POU6F2: variants seen among roughly 807,000 people sequenced by gnomAD.
POU6F2 encodes the protein POU class 6 homeobox 2.
POU6F2 carries 31 observed loss-of-function variants against 71.3 expected under a neutral mutation model. That is an observed-to-expected ratio of 0.43 (90% CI 0.33 to 0.59). POU6F2 has a LOEUF of 0.59. Ranked by LOEUF, POU6F2 falls within the 20% of genes least tolerant of loss-of-function variation. The pLI is 0.04. For synonymous variants in POU6F2, 347 were observed against 355.7 expected, an observed-to-expected ratio of 0.98 and a Z score of 0.27; for missense variants, 783 against 856.8, an observed-to-expected ratio of 0.91 and a Z score of 1.07.
At chr7:39,097,873 C>G (rs1181353698) in intron 2 of POU6F2, among the ~76,000 whole-genome samples, 1 of 152,152 alleles carries the variant, frequency 6.6e-6, no homozygotes, top group Non-Finnish European at 1.5e-5. Context: ...TTTCTGGTAG[C>G]TTTTTAGGCA....
chr7:39,209,288 G>T (rs1483941339), intron 4 of POU6F2, among the ~76,000 whole-genome samples: 4 of 152,110 alleles, frequency 2.6e-5, no homozygotes, highest in Non-Finnish European at 5.9e-5. Context: ...AAGCTTTGTA[G>T]CCTGATTAAG....
intron 2 of POU6F2, among the ~76,000 whole-genome samples, chr7:39,130,066 C>CAA (rs572365688): frequency 0.042 from 1,855 of 44,486 alleles, 81 homozygotes; most frequent in Middle Eastern, 0.095. Flanking sequence ...GACTCCATCT[C>CAA]AAAAAAAAAA....
At chr7:39,437,187 G>A (rs1788267206) in intron 7 of POU6F2, among the ~76,000 whole-genome samples, 1 of 152,226 alleles carries the variant, frequency 6.6e-6, no homozygotes, top group African/African-American at 2.4e-5. Context: ...AATAGTTCCA[G>A]AAGCAATGAT....
chr7:38,993,879 G>A (rs1788670708), intron 1 of POU6F2, among the ~76,000 whole-genome samples: 1 of 152,006 alleles, frequency 6.6e-6, no homozygotes, highest in Admixed American at 6.6e-5. Context: ...TCTCCCTTTG[G>A]AGGCAAAATT....
chr7:38,981,619 A>G (rs1211603938), intron 1 of POU6F2, among the ~76,000 whole-genome samples: 1 of 152,226 alleles, frequency 6.6e-6, no homozygotes, highest in African/African-American at 2.4e-5. Flanking sequence ...TAAAGTGATC[A>G]TGGATGCACT....
At chr7:39,436,899 G>T (rs1165257040) in intron 7 of POU6F2, among the ~76,000 whole-genome samples, 1 of 152,176 alleles carries the variant, frequency 6.6e-6, no homozygotes, top group African/African-American at 2.4e-5. Context: ...TTTTGTCTTT[G>T]ATTCTCTTTA....
chr7:38,980,105 T>A (rs1584477755), intron 1 of POU6F2, among the ~76,000 whole-genome samples: 1 of 152,222 alleles, frequency 6.6e-6, no homozygotes, highest in African/African-American at 2.4e-5. Context: ...GTTCCACATG[T>A]CTAAGAACTC....
At chr7:39,116,165 G>A (rs1003617206) in intron 2 of POU6F2, among the ~76,000 whole-genome samples, 6 of 152,108 alleles carry the variant, frequency 3.9e-5, no homozygotes, top group African/African-American at 9.7e-5. Flanking sequence ...TGGAAGGATC[G>A]CTTGAGCCCA....
chr7:39,135,698 G>C (rs1358833376), intron 2 of POU6F2, among the ~76,000 whole-genome samples: 1 of 152,012 alleles, frequency 6.6e-6, no homozygotes, highest in African/African-American at 2.4e-5. Context: ...ACATTTCATT[G>C]TGAAGGTATT....
intron 6 of POU6F2, among the ~76,000 whole-genome samples, chr7:39,430,289 A>T (rs1206895769): frequency 1.3e-5 from 2 of 152,284 alleles, no homozygotes; most frequent in African/African-American, 4.8e-5. Flanking sequence ...TAGTGCCACC[A>T]AAGGCTTCCT....
At chr7:39,385,745 G>A (rs2115811933) in intron 5 of POU6F2, among the ~76,000 whole-genome samples, 1 of 152,274 alleles carries the variant, frequency 6.6e-6, no homozygotes, top group Admixed American at 6.5e-5. Context: ...TTGGCTCACA[G>A]CCACCTGCTG....
chr7:39,178,026 T>A (rs1428648066), intron 2 of POU6F2, among the ~76,000 whole-genome samples: 2 of 152,106 alleles, frequency 1.3e-5, no homozygotes, highest in Non-Finnish European at 2.9e-5. Context: ...GAGGCCGAGG[T>A]GGGTGGATCA....
intron 1 of POU6F2, among the ~76,000 whole-genome samples, chr7:39,027,256 T>C (rs1345301464): frequency 1.3e-5 from 2 of 152,202 alleles, no homozygotes; most frequent in Non-Finnish European, 2.9e-5. Context: ...GTACCTTTGA[T>C]ATTGCAACTG....
intron 8 of POU6F2, among the ~76,000 whole-genome samples, chr7:39,451,964 A>G (rs74532485): frequency 0.011 from 1,630 of 152,264 alleles, 32 homozygotes; most frequent in African/African-American, 0.037. Flanking sequence ...GTAGTTGCTG[A>G]TGTGCTGAGT....
intron 7 of POU6F2, among the ~76,000 whole-genome samples, chr7:39,435,841 A>G (rs546534470): frequency 1.3e-5 from 2 of 152,350 alleles, no homozygotes; most frequent in South Asian, 2.1e-4. Flanking sequence ...AGTTTTCTGC[A>G]TATGGCTAGC....
At chr7:39,145,298 C>A (rs996613258) in intron 2 of POU6F2, among the ~76,000 whole-genome samples, 1 of 152,162 alleles carries the variant, frequency 6.6e-6, no homozygotes, top group East Asian at 1.9e-4. Flanking sequence ...ACTTTGAAAA[C>A]AACTACATTG....
At chr7:39,218,560 G>A (rs981557934) in intron 4 of POU6F2, among the ~76,000 whole-genome samples, 2 of 152,098 alleles carry the variant, frequency 1.3e-5, no homozygotes, top group Non-Finnish European at 2.9e-5. Flanking sequence ...CCTATGAATT[G>A]TGCCCAAAGA....
chr7:39,019,162 C>T (rs1789623981), intron 1 of POU6F2, among the ~76,000 whole-genome samples: 1 of 151,962 alleles, frequency 6.6e-6, no homozygotes, highest in Non-Finnish European at 1.5e-5. Context: ...TTTATGAGTC[C>T]CCACATGCCT....
chr7:39,087,960 T>C (rs1321350649), intron 2 of POU6F2, among the ~76,000 whole-genome samples: 1 of 152,148 alleles, frequency 6.6e-6, no homozygotes, highest in Non-Finnish European at 1.5e-5. Flanking sequence ...GAATTAAAAG[T>C]TTAATGGCAT....
Sources: gnomAD v4.1 joint callset for allele counts (sites outside exome capture counted in the v4.1 genomes callset) on GRCh38, gnomAD v4.1.1 for gene constraint, MANE v1.5 for transcripts, NCBI Gene and HGNC (gene_info 2026-07-23, HGNC 2026-07-21) for gene names.